Variants in ESPN observed in about 807,000 individuals in gnomAD.
The protein encoded by ESPN is autosomal recessive deafness type 36 protein.
Under a neutral mutation model 77.7 loss-of-function variants are expected in ESPN, and 68 were observed. The ratio of observed to expected loss-of-function variants is 0.87; its 90% CI spans 0.72 to 1.07. ESPN has a LOEUF of 1.07. Among genes scored for constraint, ESPN ranks in the 50% least tolerant of loss-of-function variants. The pLI is 0.00. For synonymous variants in ESPN, 449 were observed against 567.1 expected (o/e 0.79, Z 2.96); for missense variants, 1,060 against 1,239.0 (o/e 0.86, Z 2.17).
In ESPN at chr1:6,446,067, C is replaced by T. The variant is rs536613476; in HGVS notation, c.1464+132C>T. 7.6e-6 allele frequency: 7 copies of T among 918,130 alleles called. No homozygotes were observed. The African/African-American group carries it at 1.2e-4, about 15-fold the overall frequency. 56.9% of individuals were successfully genotyped at this position (918,130 alleles called of 1,614,324 possible). ...CTGGGTCCATGGCATGTTCAAGAGT[C>T]AAAGCTCCTGGCGAGTCCCACAAGG... On this transcript the variant is annotated intron_variant, in intron 7 of 12. Transcript: ENST00000645284.
chr1:6,449,201 A>G (rs1378673185), intron 8 of ESPN, 110 bp downstream of exon 8: 1 of 1,145,924 alleles, frequency 8.7e-7, no homozygotes, highest in Non-Finnish European at 1.1e-6. Context: ...TTCCTCTTCT[A>G]CATGGTCTTC....
intron 5 of ESPN, among the ~76,000 whole-genome samples, chr1:6,442,365 T>C (rs1344405260): frequency 6.6e-6 from 1 of 151,792 alleles, no homozygotes; most frequent in Non-Finnish European, 1.5e-5. Context: ...GGTCAGTAGA[T>C]CGAGACCATC....
rs760850684 is a variant in ESPN, at chr1:6,451,805, C to T, written c.2062-28C>T. ...GCTTCCCTGGCCCTAGGCCACCGGG[C>T]GCTCAGCCCCACCGCTTCTCCCTGC... On this transcript the variant is annotated intron_variant, in intron 9 of 12. Coordinates refer to ENST00000645284, the MANE Select transcript of ESPN (RefSeq NM_031475.3). The surrounding 1 kb of genome is among the most constrained non-coding windows in gnomAD (Gnocchi z 4.3). 25 of 1,609,972 alleles carry T rather than the reference C, an allele frequency of 1.6e-5. No individual in the cohort carries two copies. The highest frequency in any genetic ancestry group is 4.5e-5 in the East Asian group (2 of 44,776).
chr1:6,441,952 G>C (rs944596224), intron 5 of ESPN, among the ~76,000 whole-genome samples: 57 of 152,338 alleles, frequency 3.7e-4, no homozygotes, highest in African/African-American at 1.3e-3. Flanking sequence ...GCCTGAGGAT[G>C]AACTTCCCCC....
In ESPN at chr1:6,445,781, TC is replaced by T. The variant is rs899258675; in HGVS notation, c.1316del (p.Pro439ArgfsTer24). The T allele has an allele frequency of 4.4e-6, 3 of 687,652 alleles. No homozygotes were observed. Among genetic ancestry groups the T allele is most frequent in the Non-Finnish European group, 5.7e-6 (3 of 527,414 alleles). 42.6% of individuals were successfully genotyped at this position (687,652 alleles called of 1,614,324 possible). A position where few individuals can be genotyped will look rare whatever the true frequency, so the allele number is the denominator to read the frequency against. ...KPTPPPPPPS[F>X]PPPPPPPGTQ... ...ACACCCCCACCACCCCCACCCAGCT[TC>T]CCCCCGCCACCCCCGCCCCCAGGCA... On this transcript the variant is annotated frameshift_variant, in exon 7 of 13. Transcript: ENST00000645284. LOFTEE classifies it high-confidence loss of function.
intron 5 of ESPN, 43 bp downstream of exon 5, chr1:6,441,108 C>A (rs1390901516): frequency 3.1e-6 from 5 of 1,594,800 alleles, no homozygotes; most frequent in African/African-American, 1.3e-5. Flanking sequence ...TTCTTCTCGC[C>A]CCTCCACCCC....
At chr1:6,439,392 C>T (rs1643540901) in intron 2 of ESPN, among the ~76,000 whole-genome samples, 1 of 152,204 alleles carries the variant, frequency 6.6e-6, no homozygotes, top group African/African-American at 2.4e-5. Context: ...TGTCTGGCAA[C>T]CCTTACCACC....
chr1:6,447,899 A>T lies in ESPN; in HGVS notation c.1465-742A>T, dbSNP rs1279079588. 2.0e-5 allele frequency: 3 copies of T among 152,142 alleles called. No homozygotes were observed. The allele number at this position is 152,142 out of a possible 1,614,324, so 9.4% of individuals were successfully genotyped here. A position where few individuals can be genotyped will look rare whatever the true frequency, so the allele number is the denominator to read the frequency against. ...CGGGGACGGGTGCAGAGCCGCGGCCAGGTGTGGCAAAGTAGTTGGCGCCCC... is the reference window on the plus strand; with the variant it reads ...CGGGGACGGGTGCAGAGCCGCGGCCTGGTGTGGCAAAGTAGTTGGCGCCCC... On this transcript the variant is annotated intron_variant, in intron 7 of 12. Coordinates refer to ENST00000645284, the MANE Select transcript of ESPN (RefSeq NM_031475.3). This position sits in a 1 kb window ranked among gnomAD's most constrained non-coding sequence, Gnocchi z 5.2.
chr1:6,459,267 CGTA>C (rs1644111922), intron 12 of ESPN, among the ~76,000 whole-genome samples: 2 of 150,540 alleles, frequency 1.3e-5, no homozygotes, highest in Non-Finnish European at 3.0e-5. Context: ...AATAGCTGGG[CGTA>C]GTGGCACACA....
chr1:6,432,482 C>T (rs1055302988), intron 2 of ESPN, among the ~76,000 whole-genome samples: 2 of 152,166 alleles, frequency 1.3e-5, no homozygotes, highest in Admixed American at 6.5e-5. Context: ...TGGTGGAGTC[C>T]GGAGCAGCCC....
Position 6,459,989 on chromosome 1 carries a change from A to G in ESPN, c.2418-10A>G, listed in dbSNP as rs931578028. 6 of 1,612,430 alleles carry G rather than the reference A, an allele frequency of 3.7e-6. No individual in the cohort carries two copies. In the African/African-American group the frequency reaches 6.7e-5, roughly 18 times the overall value. On this transcript the variant is annotated splice_polypyrimidine_tract_variant and intron_variant, in intron 12 of 12. Transcript: ENST00000645284. ...CTTCACCGGGTCTGCCCCCCTCCCC[A>G]CTGCCTCAGGAAAGAGGAGGAGCGA...
At chr1:6,453,247 G>A (rs1021345773) in intron 10 of ESPN, among the ~76,000 whole-genome samples, 1 of 152,222 alleles carries the variant, frequency 6.6e-6, no homozygotes, top group Admixed American at 6.5e-5. Context: ...GAGATTCATG[G>A]TGAACATATC....
chr1:6,449,500 C>T (rs1214566440), intron 8 of ESPN, among the ~76,000 whole-genome samples: 2 of 152,224 alleles, frequency 1.3e-5, no homozygotes, highest in Non-Finnish European at 2.9e-5. Context: ...GAACCAGCTT[C>T]AGAGAGGCCC....
At chr1:6,436,964 C>T (rs1452430796) in intron 2 of ESPN, among the ~76,000 whole-genome samples, 1 of 151,992 alleles carries the variant, frequency 6.6e-6, no homozygotes, top group Non-Finnish European at 1.5e-5. Context: ...CTGGGGTATT[C>T]CAAGGGGATG....
intron 10 of ESPN, chr1:6,455,639 C>T (rs931258140): frequency 1.0e-5 from 4 of 399,424 alleles, no homozygotes; most frequent in African/African-American, 6.2e-5. Flanking sequence ...GCCTCACGCT[C>T]GACCTCTTCA....
At chr1:6,455,079 G>A (rs1347247211) in intron 10 of ESPN, 1 of 383,808 alleles carries the variant, frequency 2.6e-6, no homozygotes, top group Non-Finnish European at 4.6e-6. Context: ...GGAGGACTAC[G>A]TGGCGGCCCG....
At chr1:6,433,116 C>T (rs1472314503) in intron 2 of ESPN, among the ~76,000 whole-genome samples, 7 of 143,978 alleles carry the variant, frequency 4.9e-5, no homozygotes, top group African/African-American at 1.9e-4. Flanking sequence ...AGTGAGACTC[C>T]ATCTCAAAAA....
At chr1:6,458,846 A>C (rs1484998830) in intron 12 of ESPN, among the ~76,000 whole-genome samples, 1 of 151,382 alleles carries the variant, frequency 6.6e-6, no homozygotes, top group Non-Finnish European at 1.5e-5. Flanking sequence ...CAGCAGAATC[A>C]CTTGAATCTG....
At chr1:6,461,151 T>TTTTTG (rs201625425), downstream of ESPN, 992 of 639,284 alleles carry the variant, frequency 1.6e-3, 7 homozygotes, top group African/African-American at 0.016. This position sits in a 1 kb window ranked among gnomAD's most constrained non-coding sequence, Gnocchi z 6.3. Flanking sequence ...CAAGAAGCCG[T>TTTTTG]TTTTGTTTTG....
Sources: gnomAD v4.1 joint callset for allele counts (sites outside exome capture counted in the v4.1 genomes callset) on GRCh38, gnomAD v4.1.1 for gene constraint, Gnocchi (gnomAD v3.1) non-coding constraint, MANE v1.5 for transcripts, NCBI Gene and HGNC (gene_info 2026-07-23, HGNC 2026-07-21) for gene names.